PEX5L: variants seen among roughly 807,000 people sequenced by gnomAD.
PEX5L encodes the protein PEX5-related protein.
A neutral mutation model predicts 84.0 loss-of-function variants in PEX5L; 30 were observed. The ratio of observed to expected loss-of-function variants is 0.36; its 90% confidence interval spans 0.27 to 0.48. The LOEUF is 0.48. Ranked by LOEUF, PEX5L falls within the 20% of genes least tolerant of loss-of-function variation. The probability of loss-of-function intolerance (pLI) is 0.99; values close to 1 mark genes in which losing one functional copy is unlikely to be tolerated. For missense variants in PEX5L, 533 were observed against 754.6 expected, an observed-to-expected ratio of 0.71 and a Z score of 3.44; for synonymous variants, 270 against 283.1, an observed-to-expected ratio of 0.95 and a Z score of 0.46.
At chr3:179,859,563 A>C (rs1057069245) in intron 7 of PEX5L, among the ~76,000 whole-genome samples, 7 of 152,232 alleles carry the variant, frequency 4.6e-5, no homozygotes, top group African/African-American at 1.7e-4. Context: ...TCAGCTTGTG[A>C]GGAAGATCAG....
At chr3:179,928,094 T>C (rs1194614977) in intron 2 of PEX5L, among the ~76,000 whole-genome samples, 1 of 152,178 alleles carries the variant, frequency 6.6e-6, no homozygotes. Context: ...GATCAGTGGG[T>C]CCAGGGACTA....
At chr3:179,977,575 A>C (rs1444782707) in intron 1 of PEX5L, among the ~76,000 whole-genome samples, 1 of 152,202 alleles carries the variant, frequency 6.6e-6, no homozygotes, top group Non-Finnish European at 1.5e-5. Context: ...GAAGAGAGAA[A>C]ACAGGAAGTA....
intron 1 of PEX5L, among the ~76,000 whole-genome samples, chr3:180,026,770 G>A (rs369467288): frequency 2.0e-5 from 3 of 152,124 alleles, no homozygotes; most frequent in African/African-American, 7.2e-5. Context: ...CTCAAGCCAG[G>A]CTGGACTCTA....
At chr3:179,868,409 C>CA (rs1297685368) in intron 7 of PEX5L, among the ~76,000 whole-genome samples, 1 of 152,094 alleles carries the variant, frequency 6.6e-6, no homozygotes, top group African/African-American at 2.4e-5. Flanking sequence ...TACTAAGATG[C>CA]ATTTCCTTTT....
chr3:179,957,233 TA>T (rs1780808447), intron 2 of PEX5L, among the ~76,000 whole-genome samples: 1 of 152,216 alleles, frequency 6.6e-6, no homozygotes, highest in Non-Finnish European at 1.5e-5. Flanking sequence ...CCATGGGTGA[TA>T]CTTTCTCTCT....
At chr3:179,837,900 G>A (rs1318102639) in intron 8 of PEX5L, among the ~76,000 whole-genome samples, 5 of 152,134 alleles carry the variant, frequency 3.3e-5, no homozygotes, top group East Asian at 1.9e-4. Context: ...GATTTAGTTC[G>A]TGAGAACCCT....
intron 2 of PEX5L, among the ~76,000 whole-genome samples, chr3:179,918,736 C>A (rs1349903680): frequency 6.6e-6 from 1 of 152,150 alleles, no homozygotes; most frequent in Admixed American, 6.5e-5. Flanking sequence ...TCATTAATTT[C>A]TTCTTCTTTC....
intron 14 of PEX5L, among the ~76,000 whole-genome samples, chr3:179,805,144 GTCTTT>G (rs1224683875): frequency 2.0e-4 from 26 of 133,314 alleles, no homozygotes; most frequent in Non-Finnish European, 2.5e-4. Context: ...TCACTCGATG[GTCTTT>G]TTTTTTTTTT....
chr3:179,990,628 C>T (rs1333401577), intron 1 of PEX5L, among the ~76,000 whole-genome samples: 3 of 152,142 alleles, frequency 2.0e-5, no homozygotes, highest in African/African-American at 7.2e-5. Flanking sequence ...GTCTTGAACT[C>T]CTGGCCTCAG....
chr3:179,874,412 T>C lies in PEX5L; in HGVS notation c.641A>G (p.His214Arg). The change falls in exon 7 of 15, where the codon CAC (histidine) becomes CGC (arginine). Residue 214 changes from histidine to arginine, a missense_variant. By Grantham distance (29) the His-to-Arg change is conservative (BLOSUM62 0). Transcript: ENST00000467460. Reference protein sequence around the residue: ...GSKELLWSSEHRSQPELSGGK... With the variant: ...GSKELLWSSERRSQPELSGGK... The stretch of plus-strand genomic sequence containing the variant: ...ACCACTCAGTTCTGGTTGAGATCTG[T>C]GTTCTGAGGACCTATAAGGGATGCA... The C allele has an allele frequency of 6.2e-7, 1 of 1,602,916 alleles. No homozygotes were observed. The highest frequency in any genetic ancestry group is 1.1e-5 in the South Asian group (1 of 90,674).
At chr3:179,965,596 C>A (rs1217307166) in intron 2 of PEX5L, among the ~76,000 whole-genome samples, 3 of 152,104 alleles carry the variant, frequency 2.0e-5, no homozygotes, top group African/African-American at 7.2e-5. Context: ...CTTTATACCA[C>A]CAGACTTTAA....
chr3:179,807,752 C>A lies in PEX5L; in HGVS notation c.1598G>T (p.Arg533Leu), dbSNP rs1295756129. The A allele has an allele frequency of 1.2e-6, 2 of 1,614,122 alleles. No individual in the cohort carries two copies. Among genetic ancestry groups the A allele is most frequent in the Non-Finnish European group, 8.5e-7 (1 of 1,180,006 alleles). ...RSEEAVEAYTRALEIQPGFIR... is the reference protein window; with the variant it reads ...RSEEAVEAYTLALEIQPGFIR... ...GAATCCTGGCTGAATCTCCAGTGCT[C>A]GCGTATAGGCCTCCACGGCTTCCTC... The change falls in exon 14 of 15, where the codon CGA (arginine) becomes CTA (leucine). Residue 533 changes from arginine (R) to leucine (L), a missense_variant. By Grantham distance (102) the Arg-to-Leu change is moderately radical (BLOSUM62 -2). Around this residue, in one of 8 missense-constraint regions of PEX5L, gnomAD observed 105 missense variants for 204.6 expected, o/e 0.51. Transcript: ENST00000467460.
chr3:179,869,991 G>C (rs143882328), intron 7 of PEX5L, among the ~76,000 whole-genome samples: 11 of 152,196 alleles, frequency 7.2e-5, no homozygotes, highest in Non-Finnish European at 1.2e-4. Context: ...GTAACCTACT[G>C]TTGTGCCAAT....
intron 2 of PEX5L, among the ~76,000 whole-genome samples, chr3:179,926,389 TG>T (rs760850135): frequency 3.3e-5 from 5 of 152,212 alleles, no homozygotes; most frequent in Non-Finnish European, 7.3e-5. Context: ...CCACACTTGC[TG>T]TTCTTGGAAC....
chr3:179,819,841 T>C lies in PEX5L; in HGVS notation c.939+19A>G. 2 of 1,610,906 alleles carry C rather than the reference T, an allele frequency of 1.2e-6. No individual in the cohort carries two copies. Among genetic ancestry groups the C allele is most frequent in the Non-Finnish European group, 1.7e-6 (2 of 1,177,206 alleles). ...GGTGGAGAAAAGTAGTCAGCATGTA[T>C]AGGAACAGAATTGGTTACCTTCTCA... On this transcript the variant is annotated intron_variant, in intron 9 of 14. Coordinates refer to ENST00000467460, the MANE Select transcript of PEX5L (RefSeq NM_016559.3).
chr3:179,918,248 G>A (rs1163021756), intron 2 of PEX5L, among the ~76,000 whole-genome samples: 1 of 152,118 alleles, frequency 6.6e-6, no homozygotes, highest in African/African-American at 2.4e-5. Flanking sequence ...GTTCTACTTG[G>A]TGGTACTTCA....
At chr3:179,916,233 G>A (rs1767039714) in intron 2 of PEX5L, among the ~76,000 whole-genome samples, 1 of 152,120 alleles carries the variant, frequency 6.6e-6, no homozygotes, top group Non-Finnish European at 1.5e-5. Context: ...ACTATAGAGT[G>A]TACTTACCAA....
chr3:180,024,276 G>A (rs764082206), intron 1 of PEX5L, among the ~76,000 whole-genome samples: 32 of 149,288 alleles, frequency 2.1e-4, no homozygotes, highest in Non-Finnish European at 2.5e-4. Context: ...TTGGGAGGCC[G>A]AGGTGGGTGG....
At chr3:179,944,470 C>CA (rs1776982756) in intron 2 of PEX5L, among the ~76,000 whole-genome samples, 1 of 152,162 alleles carries the variant, frequency 6.6e-6, no homozygotes, top group African/African-American at 2.4e-5. Context: ...GGCTATCTCA[C>CA]AAGACTGTTA....
Sources: gnomAD v4.1 joint callset for allele counts (sites outside exome capture counted in the v4.1 genomes callset) on GRCh38, gnomAD v4.1.1 for gene constraint, gnomAD v4.1.1 regional missense constraint, MANE v1.5 for transcripts, NCBI Gene and HGNC (gene_info 2026-07-23, HGNC 2026-07-21) for gene names.